ESRRB: variants seen among roughly 807,000 people sequenced by gnomAD.
ESRRB encodes steroid hormone receptor ERR2.
ESRRB carries 16 observed loss-of-function variants against 46.0 expected under a neutral mutation model. The ratio of observed to expected loss-of-function variants is 0.35; its 90% CI spans 0.24 to 0.53. The LOEUF is 0.53. ESRRB is among the 20% of genes least tolerant of loss of function. The pLI is 0.93. For missense variants in ESRRB, 488 were observed against 607.4 expected (o/e 0.80, Z 2.07); for synonymous variants, 246 against 259.6 (o/e 0.95, Z 0.50).
chr14:76,452,131 G>A (rs564828691), intron 2 of ESRRB, among the ~76,000 whole-genome samples: 4 of 146,514 alleles, frequency 2.7e-5, no homozygotes, highest in Admixed American at 2.0e-4. Context: ...AAGTAGAAAG[G>A]GGGTTTCACT....
intron 2 of ESRRB, among the ~76,000 whole-genome samples, chr14:76,440,362 T>C (rs1052584114): frequency 6.6e-6 from 1 of 152,064 alleles, no homozygotes; most frequent in Non-Finnish European, 1.5e-5. Flanking sequence ...CTACTTGGGA[T>C]GCTGAGGCTG....
chr14:76,404,701 T>C (rs1394712049), intron 1 of ESRRB, among the ~76,000 whole-genome samples: 1 of 152,162 alleles, frequency 6.6e-6, no homozygotes, highest in Non-Finnish European at 1.5e-5. Flanking sequence ...CTTTTGAAAA[T>C]ACACTTAATG....
intron 1 of ESRRB, among the ~76,000 whole-genome samples, chr14:76,334,113 A>G (rs569568426): frequency 6.6e-5 from 10 of 152,338 alleles, no homozygotes; most frequent in African/African-American, 2.2e-4. Flanking sequence ...GCTATTAATA[A>G]GAATTATAAA....
At chr14:76,465,611 G>T (rs1424780721) in intron 3 of ESRRB, among the ~76,000 whole-genome samples, 2 of 152,196 alleles carry the variant, frequency 1.3e-5, no homozygotes. Flanking sequence ...GATGTTCAGG[G>T]GAAGCCTCAG....
chr14:76,402,481 A>G (rs1381590724), intron 1 of ESRRB, among the ~76,000 whole-genome samples: 2 of 152,190 alleles, frequency 1.3e-5, no homozygotes, highest in Non-Finnish European at 2.9e-5. Flanking sequence ...GGGAAGGGCC[A>G]TGATGCCTGT....
chr14:76,358,379 G>GA (rs1400160881), intron 1 of ESRRB, among the ~76,000 whole-genome samples: 2 of 64,360 alleles, frequency 3.1e-5, no homozygotes, highest in African/African-American at 5.9e-5. Flanking sequence ...AAGAAAGAAA[G>GA]AAAGAAAGAA....
At chr14:76,321,886 C>CAAAA (rs35191942) in intron 1 of ESRRB, among the ~76,000 whole-genome samples, 8,757 of 141,764 alleles carry the variant, frequency 0.062, 375 homozygotes, top group Admixed American at 0.086. Context: ...GACTCCGTCT[C>CAAAA]AAAAAAAAAA....
Position 76,408,461 on chromosome 14 carries a change from T to G in ESRRB, c.51-30880T>G, listed in dbSNP as rs1322054394. 3.3e-5 allele frequency among the ~76,000 whole-genome samples: 5 copies of G among 151,812 alleles called. No homozygotes were observed. In the East Asian group the frequency reaches 9.7e-4, roughly 29 times the overall value. ...CCAGGTGCAGGTGCATGGGGGTGCATGCCTGTGGTCCCAGCTCCTCCGGAG... is the reference window on the plus strand; with the variant it reads ...CCAGGTGCAGGTGCATGGGGGTGCAGGCCTGTGGTCCCAGCTCCTCCGGAG... On this transcript the variant is annotated intron_variant, in intron 1 of 6. Transcript: ENST00000644823.
chr14:76,372,851 G>T (rs1566863540), upstream of ESRRB, among the ~76,000 whole-genome samples: 1 of 152,140 alleles, frequency 6.6e-6, no homozygotes, highest in Non-Finnish European at 1.5e-5. Context: ...GAAAAGAAAA[G>T]AAAAACTTGT....
upstream of ESRRB, among the ~76,000 whole-genome samples, chr14:76,368,884 G>A (rs983880912): frequency 1.1e-4 from 17 of 152,230 alleles, no homozygotes; most frequent in Non-Finnish European, 1.6e-4. Context: ...CACTTTTCTC[G>A]TGTAAAAACA....
At chr14:76,345,352 A>AC (rs1156334009) in intron 1 of ESRRB, among the ~76,000 whole-genome samples, 4 of 151,872 alleles carry the variant, frequency 2.6e-5, no homozygotes, top group Non-Finnish European at 5.9e-5. Flanking sequence ...TAAGAAAAAA[A>AC]CAAACAATCC....
At chr14:76,415,114 C>T (rs938124315) in intron 1 of ESRRB, among the ~76,000 whole-genome samples, 16 of 152,124 alleles carry the variant, frequency 1.1e-4, no homozygotes, top group Admixed American at 2.0e-4. Flanking sequence ...CCTCTAGGAG[C>T]TAGTGGGGTG....
chr14:76,408,978 C>T (rs1219655777), intron 1 of ESRRB, among the ~76,000 whole-genome samples: 1 of 152,152 alleles, frequency 6.6e-6, no homozygotes, highest in Non-Finnish European at 1.5e-5. Context: ...CAGCCTGAGG[C>T]CCAGAGAGGC....
chr14:76,356,509 G>A lies in ESRRB; in HGVS notation c.2+45593G>A, dbSNP rs1296032088. Among the ~76,000 whole-genome samples the A allele has an allele frequency of 3.3e-5, 5 of 152,048 alleles. No homozygotes were observed. The South Asian group carries it at 6.2e-4, about 19-fold the overall frequency. ...TATCCTGACTCTAGGATGACAGAAC[G>A]AACATTGTCATTGAAACCCACAGTC... is the stretch of plus-strand genomic sequence containing the variant. On this transcript the variant is annotated intron_variant, in intron 1 of 6. Transcript: ENST00000512784.
chr14:76,375,821 G>A (rs1252859864), upstream of ESRRB, among the ~76,000 whole-genome samples: 2 of 152,150 alleles, frequency 1.3e-5, no homozygotes, highest in Non-Finnish European at 2.9e-5. Context: ...GATGGGATAG[G>A]GGTGGCCCGG....
At chr14:76,311,783 G>A (rs1390561302) in intron 1 of ESRRB, among the ~76,000 whole-genome samples, 1 of 152,144 alleles carries the variant, frequency 6.6e-6, no homozygotes, top group Non-Finnish European at 1.5e-5. Context: ...CCGGCTCTGA[G>A]TGCACCTCGG....
In ESRRB at chr14:76,439,696, T is replaced by C. The variant is rs370424727; in HGVS notation, c.406T>C (p.Tyr136His). ...CGGGGACATTGCCTCTGGCTACCAC[T>C]ACGGCGTGGCCTCCTGCGAGGCTTG... ...VCGDIASGYH[Y>H]GVASCEACKA... The change falls in exon 2 of 7, where the codon TAC becomes CAC. Residue 136 changes from tyrosine to histidine, a missense_variant. By Grantham distance (83) the Tyr-to-His change is moderately conservative. Transcript: ENST00000644823. 6.2e-7 allele frequency: 1 copy of C among 1,614,202 alleles called. No individual in the cohort carries two copies. Among genetic ancestry groups the C allele is most frequent in the Non-Finnish European group, 8.5e-7 (1 of 1,180,022 alleles).
At position 76,467,428 on chromosome 14, in the gene ESRRB, G is replaced by A. The variant is rs577615405; in HGVS notation, c.577+4767G>A. ...AGGCAGGAGCATTGCTTGAACCCAG[G>A]AGGCAGAGGTTGCAGTGAGCTGAGA... On this transcript the variant is annotated intron_variant, in intron 3 of 6. Transcript: ENST00000644823. Among the ~76,000 whole-genome samples, 5 of 150,716 alleles carry A rather than the reference G, an allele frequency of 3.3e-5. No individual in the cohort carries two copies. In the South Asian group the frequency reaches 1.0e-3, roughly 32 times the overall value.
intron 1 of ESRRB, among the ~76,000 whole-genome samples, chr14:76,352,294 A>T (rs1884323584): frequency 6.6e-6 from 1 of 152,224 alleles, no homozygotes; most frequent in Non-Finnish European, 1.5e-5. Context: ...AGTTCCCAGC[A>T]TGCAGTAAGT....
Sources: gnomAD v4.1 joint callset for allele counts (sites outside exome capture counted in the v4.1 genomes callset) on GRCh38, gnomAD v4.1.1 for gene constraint, MANE v1.5 for transcripts, NCBI Gene and HGNC (gene_info 2026-07-23, HGNC 2026-07-21) for gene names.